Variants in POSTN observed in about 807,000 individuals in gnomAD.
POSTN encodes osteoblast specific factor 2 (fasciclin I-like).
Under a neutral mutation model 104.5 loss-of-function variants are expected in POSTN, and 71 were observed. The ratio of observed to expected loss-of-function variants is 0.68; its 90% CI spans 0.56 to 0.83. The LOEUF (loss-of-function observed/expected upper bound fraction) is 0.83. Ranked by LOEUF, POSTN falls within the 40% of genes least tolerant of loss-of-function variation. The pLI, the probability that POSTN is intolerant of heterozygous loss-of-function variation, is 0.00. For synonymous variants in POSTN, 355 were observed against 340.7 expected (o/e 1.04, Z -0.46); for missense variants, 949 against 1,006.8 (o/e 0.94, Z 0.78).
chr13:37,590,482 T>C lies in POSTN; in HGVS notation c.331A>G (p.Thr111Ala), dbSNP rs1158763426. Residue 111 changes from threonine (T) to alanine (A), a missense_variant, in exon 4 of 23, where the codon ACC becomes GCC. Transcript: ENST00000379747. ...VYGTLGIVGA[T>A]TTQRYSDASK... Reference sequence around the variant, plus strand: ...GCGTCAGAATAGCGCTGCGTTGTGGTGGCTCCCACGATGCCCAGAGTGCCA... The same window carrying C: ...GCGTCAGAATAGCGCTGCGTTGTGGCGGCTCCCACGATGCCCAGAGTGCCA... 1.2e-6 allele frequency: 2 copies of C among 1,613,002 alleles called. No individual in the cohort carries two copies. Among genetic ancestry groups the C allele is most frequent in the African/African-American group, 2.7e-5 (2 of 74,912 alleles).
At chr13:37,575,750 T>A (rs1446114505) in intron 16 of POSTN, among the ~76,000 whole-genome samples, 1 of 152,138 alleles carries the variant, frequency 6.6e-6, no homozygotes, top group African/African-American at 2.4e-5. Context: ...ACTTTTTGAA[T>A]TAATGTGGGT....
chr13:37,573,832 T>C (rs1950324641), intron 17 of POSTN, among the ~76,000 whole-genome samples: 1 of 151,506 alleles, frequency 6.6e-6, no homozygotes, highest in Admixed American at 6.6e-5. Context: ...GAAAGTAACA[T>C]CAAAGATGTT....
rs1400052381 is a variant in POSTN at position 37,598,512 on chromosome 13, A to C, written c.119+96T>G. 2.3e-5 allele frequency: 25 copies of C among 1,103,970 alleles called. No individual in the cohort carries two copies. The East Asian group carries it at 4.4e-4, about 19-fold the overall frequency. 68.4% of individuals were successfully genotyped at this position (1,103,970 alleles called of 1,614,324 possible). On this transcript the variant is annotated intron_variant, in intron 1 of 22. Transcript: ENST00000379747. ...TACTTTATAATAATTAGGAAAAAAA[A>C]CCCTGAGGCATATATGAGAAACTTT...
At chr13:37,579,160 T>C (rs746699526) in intron 13 of POSTN, 39 bp from the exon 14 acceptor site, 7 of 1,604,476 alleles carry the variant, frequency 4.4e-6, no homozygotes, top group Non-Finnish European at 5.1e-6. Context: ...GGAAATTTCA[T>C]TAAGGATGAA....
intron 21 of POSTN, among the ~76,000 whole-genome samples, chr13:37,567,448 G>A (rs984463574): frequency 8.2e-4 from 125 of 151,824 alleles, no homozygotes; most frequent in African/African-American, 3.0e-3. Flanking sequence ...TAGACAAGGG[G>A]ATACTTGTGA....
intron 17 of POSTN, among the ~76,000 whole-genome samples, chr13:37,571,717 T>A (rs573505511): frequency 8.2e-4 from 125 of 151,862 alleles, no homozygotes; most frequent in African/African-American, 2.8e-3. Context: ...TAAATCCATC[T>A]GTTTATTCGT....
intron 9 of POSTN, 50 bp from the exon 10 acceptor site, chr13:37,582,564 G>A: frequency 2.7e-6 from 4 of 1,496,672 alleles, no homozygotes; most frequent in Non-Finnish European, 3.6e-6. Flanking sequence ...AGAAAACATT[G>A]AAGTTTCTCC....
chr13:37,563,312 T>A lies in POSTN; in HGVS notation c.*21A>T, dbSNP rs766895600. 1 of 1,564,036 alleles carries A rather than the reference T, an allele frequency of 6.4e-7. No individual in the cohort carries two copies. On this transcript the variant is annotated 3_prime_UTR_variant, in exon 23 of 23. Coordinates refer to ENST00000379747, the MANE Select transcript of POSTN (RefSeq NM_006475.3). ...TATTGACTTAGGGTTGTATAAACAT[T>A]TTTTTCTGGTTTTTGGATTTTCACT...
In POSTN at chr13:37,583,959, C is replaced by T; in HGVS notation, c.1243+10G>A. 1 of 1,612,440 alleles carries T rather than the reference C, an allele frequency of 6.2e-7. No homozygotes were observed. The highest frequency in any genetic ancestry group is 8.5e-7 in the Non-Finnish European group (1 of 1,179,122). On this transcript the variant is annotated intron_variant, in intron 9 of 22. Transcript: ENST00000379747. ...GGCAGAGAGCAGGAACAACAGTGTC[C>T]AGCACATACCAGAAAATGCATTATT...
chr13:37,582,389 G>A lies in POSTN; in HGVS notation c.1369C>T (p.Leu457Phe). The A allele has an allele frequency of 6.2e-7, 1 of 1,613,364 alleles. No individual in the cohort carries two copies. The highest frequency in any genetic ancestry group is 2.2e-5 in the East Asian group (1 of 44,846). Residue 457 changes from leucine (L) to phenylalanine (F), a missense_variant, in exon 10 of 23, where the codon CTC becomes TTC. Transcript: ENST00000379747. ...ACTGTACGATATACGAAGACTCTGA[G>A]CTGTTTGCCTCCGATGGTTTCCAGT... ...QILETIGGKQ[L>F]RVFVYRTAVC...
rs71093694 is a variant in POSTN at position 37,567,235 on chromosome 13, CA to C, written c.2431+2064del. On this transcript the variant is annotated intron_variant, in intron 21 of 22. Coordinates refer to ENST00000379747, the MANE Select transcript of POSTN (RefSeq NM_006475.3). ...TGGGCGACAGAGCGAGACTCCGTCTCAAAAAAAAAAAAAAAAAATGTACTAC... is the reference window on the plus strand; with the variant it reads ...TGGGCGACAGAGCGAGACTCCGTCTCAAAAAAAAAAAAAAAAATGTACTAC... Among the ~76,000 whole-genome samples, 60 of 36,924 alleles carry C rather than the reference CA, an allele frequency of 1.6e-3. 3 individuals carry two copies. The highest frequency in any genetic ancestry group is 0.013 in the South Asian group (11 of 856). The allele number at this position is 36,924 out of a possible 152,430, so 24.2% of individuals were successfully genotyped here. A position where few individuals can be genotyped will look rare whatever the true frequency, so the allele number is the denominator to read the frequency against.
intron 2 of POSTN, among the ~76,000 whole-genome samples, chr13:37,594,621 T>C (rs1951033878): frequency 6.6e-6 from 1 of 152,130 alleles, no homozygotes; most frequent in South Asian, 2.1e-4. Flanking sequence ...GCTAAAAATA[T>C]CACAGACATT....
intron 17 of POSTN, 149 bp downstream of exon 17, chr13:37,574,423 G>A (rs991548614): frequency 9.2e-7 from 1 of 1,084,490 alleles, no homozygotes; most frequent in South Asian, 2.0e-5. Flanking sequence ...TCCGCATTCT[G>A]CAATTACATG....
intron 15 of POSTN, among the ~76,000 whole-genome samples, 195 bp downstream of exon 15, chr13:37,578,649 A>G (rs1164563715): frequency 6.6e-6 from 1 of 151,882 alleles, no homozygotes; most frequent in African/African-American, 2.4e-5. Context: ...TACAAAAAAA[A>G]TTAGCTGGGT....
At chr13:37,592,279 A>AG (rs1433294136) in intron 2 of POSTN, 115 bp from the exon 3 acceptor site, 7 of 682,052 alleles carry the variant, frequency 1.0e-5, no homozygotes, top group Admixed American at 3.9e-5. Flanking sequence ...TCTAAAAATC[A>AG]GGTTTTTTTT....
In POSTN at chr13:37,583,993, C is replaced by A; in HGVS notation, c.1219G>T (p.Ala407Ser). The A allele has an allele frequency of 6.2e-7, 1 of 1,613,648 alleles. No homozygotes were observed. The highest frequency in any genetic ancestry group is 1.3e-5 in the African/African-American group (1 of 74,998). ...CCAGAAAATGCATTATTCACAGGTG[C>A]CAGCAAAGTGTATTCTCCATCTGGC... is the stretch of plus-strand genomic sequence containing the variant. Reference protein sequence around the residue: ...LRPDGEYTLLAPVNNAFSDDT... With the variant: ...LRPDGEYTLLSPVNNAFSDDT... The change falls in exon 9 of 23, where the codon GCA becomes TCA. Residue 407 changes from alanine to serine, a missense_variant. By Grantham distance (99) the Ala-to-Ser change is moderately conservative. Coordinates refer to ENST00000379747, the MANE Select transcript of POSTN (RefSeq NM_006475.3).
chr13:37,598,475 T>C, intron 1 of POSTN, 133 bp downstream of exon 1: 3 of 740,806 alleles, frequency 4.0e-6, no homozygotes, highest in South Asian at 5.2e-5. Flanking sequence ...CACATTTTCC[T>C]TTTTTTCCTA....
At chr13:37,567,271 A>C (rs1447714820) in intron 21 of POSTN, among the ~76,000 whole-genome samples, 1 of 148,722 alleles carries the variant, frequency 6.7e-6, no homozygotes. Flanking sequence ...CATGTACCAC[A>C]ATGTATACGA....
At chr13:37,570,701 T>G in intron 18 of POSTN, 32 bp from the exon 19 acceptor site, 1 of 1,349,952 alleles carries the variant, frequency 7.4e-7, no homozygotes. Flanking sequence ...TGCATTTGAT[T>G]TACCCTCATA....
Sources: allele counts gnomAD v4.1 joint callset (sites outside exome capture counted in the v4.1 genomes callset), GRCh38; gene constraint gnomAD v4.1.1; transcripts MANE v1.5; gene names NCBI Gene and HGNC (gene_info 2026-07-23, HGNC 2026-07-21).